The following MPHOSPH9 variants were observed in gnomAD, a reference collection of about 807,000 sequenced individuals.
The protein encoded by MPHOSPH9 is M-phase phosphoprotein 9.
Under a neutral mutation model 145.5 loss-of-function variants are expected in MPHOSPH9, and 88 were observed. That is an observed-to-expected ratio of 0.60 (90% confidence interval 0.51 to 0.72). The LOEUF (loss-of-function observed/expected upper bound fraction) is 0.72. Among genes scored for constraint, MPHOSPH9 ranks in the 30% least tolerant of loss-of-function variants. The pLI is 0.00. For missense variants in MPHOSPH9, 1,238 were observed against 1,386.6 expected, an observed-to-expected ratio of 0.89 and a Z score of 1.70; for synonymous variants, 435 against 486.2, an observed-to-expected ratio of 0.89 and a Z score of 1.39.
intron 4 of MPHOSPH9, among the ~76,000 whole-genome samples, chr12:123,222,535 T>C (rs1274183685): frequency 6.6e-6 from 1 of 151,874 alleles, no homozygotes; most frequent in African/African-American, 2.4e-5. Context: ...ACACCTGTAT[T>C]CCCAGCTACT....
chr12:123,205,928 C>G (rs1377719732), intron 8 of MPHOSPH9, among the ~76,000 whole-genome samples: 1 of 152,150 alleles, frequency 6.6e-6, no homozygotes, highest in African/African-American at 2.4e-5. Context: ...AACCTACACA[C>G]TACAATGAAG....
chr12:123,202,903 G>A lies in MPHOSPH9; in HGVS notation c.1502C>T (p.Ser501Phe). 6.2e-7 allele frequency: 1 copy of A among 1,614,198 alleles called. No individual in the cohort carries two copies. Among genetic ancestry groups the A allele is most frequent in the Non-Finnish European group, 8.5e-7 (1 of 1,180,032 alleles). ...ATATTTTGGAAATCCAGGTAACTGA[G>A]AAGTGACATTACTTGCTTGTGAAAA... ...DSFSQASNVT[S>F]QLPGFPKYPS... Residue 501 changes from serine to phenylalanine, a missense_variant, in exon 10 of 24, where the codon TCT (serine) becomes TTT (phenylalanine). Coordinates refer to ENST00000606320, the MANE Select transcript of MPHOSPH9 (RefSeq NM_022782.4).
chr12:123,160,694 T>C lies in MPHOSPH9; in HGVS notation c.3450+87A>G, dbSNP rs1245333445. 4 of 1,246,884 alleles carry C rather than the reference T, an allele frequency of 3.2e-6. No homozygotes were observed. The African/African-American group carries it at 6.1e-5, about 19-fold the overall frequency. 77.2% of individuals were successfully genotyped at this position (1,246,884 alleles called of 1,614,324 possible). On this transcript the variant is annotated intron_variant, in intron 23 of 23. Transcript: ENST00000606320. Reference sequence around the variant, plus strand: ...GCTTCAGTGTGTCTAATTTTCACTGTGCCATGATTTTTTAAACCCCTCTTA... The same window carrying C: ...GCTTCAGTGTGTCTAATTTTCACTGCGCCATGATTTTTTAAACCCCTCTTA...
chr12:123,228,627 G>T (rs986439285), intron 2 of MPHOSPH9, among the ~76,000 whole-genome samples: 1 of 152,044 alleles, frequency 6.6e-6, no homozygotes, highest in South Asian at 2.1e-4. Flanking sequence ...CACGGAGATC[G>T]CAATGAGCTG....
At position 123,156,623 on chromosome 12, in the gene MPHOSPH9, C is replaced by A; in HGVS notation, c.*184G>T. The A allele has an allele frequency of 2.3e-6, 1 of 435,850 alleles. No homozygotes were observed. The highest frequency in any genetic ancestry group is 4.1e-6 in the Non-Finnish European group (1 of 245,994). 27.0% of individuals were successfully genotyped at this position (435,850 alleles called of 1,614,324 possible). A position where few individuals can be genotyped will look rare whatever the true frequency, so the allele number is the denominator to read the frequency against. ...GTAAAATATACAAGAGATTCCTGAGCATAACAAAAATATCTTGAAAATATG... is the reference window on the plus strand; with the variant it reads ...GTAAAATATACAAGAGATTCCTGAGAATAACAAAAATATCTTGAAAATATG... On this transcript the variant is annotated 3_prime_UTR_variant, in exon 24 of 24. Coordinates refer to ENST00000606320, the MANE Select transcript of MPHOSPH9 (RefSeq NM_022782.4).
At chr12:123,199,996 T>TCA (rs2046149644) in intron 11 of MPHOSPH9, among the ~76,000 whole-genome samples, 1 of 152,098 alleles carries the variant, frequency 6.6e-6, no homozygotes, top group African/African-American at 2.4e-5. Context: ...AGACTATTCT[T>TCA]GAAAAAAAAT....
chr12:123,170,059 C>G (rs937539542), intron 16 of MPHOSPH9, among the ~76,000 whole-genome samples: 1 of 151,090 alleles, frequency 6.6e-6, no homozygotes, highest in African/African-American at 2.4e-5. Flanking sequence ...CTCAGTACAG[C>G]CTCGACCCCT....
chr12:123,231,796 A>G (rs1593258920), intron 1 of MPHOSPH9, among the ~76,000 whole-genome samples: 1 of 152,024 alleles, frequency 6.6e-6, no homozygotes, highest in East Asian at 1.9e-4. Flanking sequence ...TAACAGGTCA[A>G]ACAAGATGCC....
chr12:123,195,217 T>C (rs1236609625), intron 12 of MPHOSPH9, among the ~76,000 whole-genome samples: 19 of 152,158 alleles, frequency 1.2e-4, no homozygotes, highest in African/African-American at 2.4e-5. Context: ...TTTGAAAGTA[T>C]AGCTGGACTT....
chr12:123,156,767 G>C lies in MPHOSPH9; in HGVS notation c.*40C>G, dbSNP rs370083524. The stretch of plus-strand genomic sequence containing the variant: ...TTTCTGACTGCATAATTATACATTA[G>C]TGCAAACAAAAATGTCTCAAAATTT... On this transcript the variant is annotated 3_prime_UTR_variant, in exon 24 of 24. Transcript: ENST00000606320. 1.3e-6 allele frequency: 2 copies of C among 1,538,232 alleles called. No individual in the cohort carries two copies. Among genetic ancestry groups the C allele is most frequent in the Non-Finnish European group, 1.8e-6 (2 of 1,115,882 alleles).
chr12:123,203,232 G>A lies in MPHOSPH9; in HGVS notation c.1320+18C>T. 6.2e-7 allele frequency: 1 copy of A among 1,610,756 alleles called. No homozygotes were observed. The highest frequency in any genetic ancestry group is 8.5e-7 in the Non-Finnish European group (1 of 1,179,166). Reference sequence around the variant, plus strand: ...AAGCATTGTTCACGTTCACTCGGCAGAATGTGGACAACTTTACCTCTGGTG... The same window carrying A: ...AAGCATTGTTCACGTTCACTCGGCAAAATGTGGACAACTTTACCTCTGGTG... On this transcript the variant is annotated intron_variant, in intron 9 of 23. Transcript: ENST00000606320.
intron 23 of MPHOSPH9, among the ~76,000 whole-genome samples, chr12:123,158,297 G>T (rs1159983261): frequency 6.6e-6 from 1 of 151,668 alleles, no homozygotes; most frequent in African/African-American, 2.4e-5. Context: ...ACCCAGCCGT[G>T]TATCATTTTT....
intron 22 of MPHOSPH9, 68 bp from the exon 23 acceptor site, chr12:123,160,917 A>G: frequency 6.5e-7 from 1 of 1,537,020 alleles, no homozygotes; most frequent in Non-Finnish European, 8.9e-7. Context: ...AATGGAAAGA[A>G]AAGGTTTTGG....
chr12:123,178,858 C>T (rs184711598), intron 15 of MPHOSPH9, among the ~76,000 whole-genome samples: 3 of 152,166 alleles, frequency 2.0e-5, no homozygotes, highest in Non-Finnish European at 4.4e-5. Flanking sequence ...GCAATGGATA[C>T]TACCATTTAC....
chr12:123,219,394 C>T (rs544898696), intron 5 of MPHOSPH9, among the ~76,000 whole-genome samples: 10 of 149,924 alleles, frequency 6.7e-5, no homozygotes, highest in East Asian at 2.0e-4. Context: ...GTCAGGAGAT[C>T]GAGACCATCC....
At chr12:123,173,072 C>T (rs967043661) in intron 16 of MPHOSPH9, among the ~76,000 whole-genome samples, 7 of 149,432 alleles carry the variant, frequency 4.7e-5, no homozygotes, top group Non-Finnish European at 7.5e-5. Context: ...GATGGAGTTT[C>T]GCCATGTTGG....
intron 8 of MPHOSPH9, among the ~76,000 whole-genome samples, chr12:123,205,140 T>C (rs927864399): frequency 1.3e-5 from 2 of 152,236 alleles, no homozygotes; most frequent in Non-Finnish European, 2.9e-5. Flanking sequence ...ATTAATCATG[T>C]AGCTTTAAAT....
At chr12:123,182,779 T>G (rs913795840) in intron 13 of MPHOSPH9, among the ~76,000 whole-genome samples, 2 of 148,484 alleles carry the variant, frequency 1.3e-5, no homozygotes, top group African/African-American at 5.0e-5. Context: ...CTGGGTGTGG[T>G]GGCGCGTGCC....
intron 6 of MPHOSPH9, among the ~76,000 whole-genome samples, chr12:123,217,488 G>A (rs1416113124): frequency 2.0e-5 from 3 of 151,732 alleles, no homozygotes. Flanking sequence ...TGAGCCACTT[G>A]GCCCAGCCTC....
Sources: allele counts gnomAD v4.1 joint callset (sites outside exome capture counted in the v4.1 genomes callset), GRCh38; gene constraint gnomAD v4.1.1; transcripts MANE v1.5; gene names NCBI Gene and HGNC (gene_info 2026-07-23, HGNC 2026-07-21).